The following NTRK2 variants were observed in gnomAD, a reference collection of about 807,000 sequenced individuals.
NTRK2 encodes the protein neurotrophic receptor tyrosine kinase 2, also known as BDNF/NT-3 growth factors receptor.
In NTRK2, 13 loss-of-function variants were observed where a neutral mutation model predicts 94.5. That is an observed-to-expected ratio of 0.14 (90% CI 0.09 to 0.22). NTRK2 has a LOEUF of 0.22. Among genes scored for constraint, NTRK2 ranks in the 10% least tolerant of loss-of-function variants. NTRK2 has a pLI of 1.00. For synonymous variants in NTRK2, 372 were observed against 407.4 expected (o/e 0.91, Z 1.05); for missense variants, 639 against 1,071.2 (o/e 0.60, Z 5.63).
intron 2 of NTRK2, among the ~76,000 whole-genome samples, chr9:84,672,420 G>C (rs2058758425): frequency 6.6e-6 from 1 of 152,206 alleles, no homozygotes; most frequent in African/African-American, 2.4e-5. Flanking sequence ...GGTGGTCTTG[G>C]ACTGGGCTGG....
At chr9:84,755,694 C>T (rs1440807377) in intron 12 of NTRK2, among the ~76,000 whole-genome samples, 2 of 151,936 alleles carry the variant, frequency 1.3e-5, no homozygotes, top group Non-Finnish European at 2.9e-5. Context: ...TTTTATTTTG[C>T]ATGTGAACAT....
intron 12 of NTRK2, among the ~76,000 whole-genome samples, chr9:84,796,986 T>C (rs1451299985): frequency 6.6e-6 from 1 of 152,220 alleles, no homozygotes; most frequent in African/African-American, 2.4e-5. Context: ...TGCATTTCTT[T>C]AAATATATTT....
chr9:85,004,293 T>C (rs1830722310), intron 17 of NTRK2, among the ~76,000 whole-genome samples: 2 of 152,138 alleles, frequency 1.3e-5, no homozygotes, highest in Admixed American at 1.3e-4. Context: ...CTTTTCTCTA[T>C]AGTTTCCAGT....
chr9:84,799,702 G>C (rs2070151440), intron 12 of NTRK2, among the ~76,000 whole-genome samples: 1 of 152,022 alleles, frequency 6.6e-6, no homozygotes. Flanking sequence ...CTATGAGAAT[G>C]ATCTCTGGCA....
At chr9:84,840,188 A>G (rs2074094806) in intron 12 of NTRK2, among the ~76,000 whole-genome samples, 1 of 150,750 alleles carries the variant, frequency 6.6e-6, no homozygotes. Flanking sequence ...TCATGTGAAC[A>G]TTCCCTTGAA....
chr9:84,810,675 C>A, intron 12 of NTRK2: 1 of 1,603,658 alleles, frequency 6.2e-7, no homozygotes, highest in African/African-American at 1.3e-5. Flanking sequence ...TGGCTTATCC[C>A]GGGAAGTGCT....
chr9:84,932,606 C>A (rs1406579475), intron 14 of NTRK2, among the ~76,000 whole-genome samples: 1 of 152,178 alleles, frequency 6.6e-6, no homozygotes, highest in Non-Finnish European at 1.5e-5. Context: ...TCAAGTTACA[C>A]CGCAGTACTA....
intron 9 of NTRK2, among the ~76,000 whole-genome samples, chr9:84,741,197 T>C (rs77928525): frequency 0.011 from 1,695 of 152,306 alleles, 39 homozygotes; most frequent in African/African-American, 0.038. Context: ...GCAGAATATT[T>C]TGATCATCTT....
chr9:84,876,156 A>G, intron 14 of NTRK2: 2 of 1,040,626 alleles, frequency 1.9e-6, no homozygotes, highest in Non-Finnish European at 2.3e-6. Flanking sequence ...GCTCCTCATT[A>G]GATAATAATG....
intron 12 of NTRK2, among the ~76,000 whole-genome samples, chr9:84,840,154 C>T (rs1040270735): frequency 2.0e-5 from 3 of 152,068 alleles, no homozygotes; most frequent in Non-Finnish European, 4.4e-5. Context: ...GAAATGTGTC[C>T]TCTGCCTGGC....
At chr9:84,893,115 C>G (rs986688773) in intron 14 of NTRK2, among the ~76,000 whole-genome samples, 4 of 152,080 alleles carry the variant, frequency 2.6e-5, no homozygotes, top group African/African-American at 9.7e-5. Flanking sequence ...GTAACCATAA[C>G]CCCTGTCAAG....
At chr9:84,817,750 G>A (rs1056129701) in intron 12 of NTRK2, among the ~76,000 whole-genome samples, 3 of 152,168 alleles carry the variant, frequency 2.0e-5, no homozygotes, top group Admixed American at 6.5e-5. Context: ...ACTTAGAAAC[G>A]AGTATTCACA....
At chr9:84,948,686 C>A (rs764286857) in intron 16 of NTRK2, 52 bp downstream of exon 16, 1 of 1,573,086 alleles carries the variant, frequency 6.4e-7, no homozygotes, top group South Asian at 1.1e-5. Context: ...CTTCAGGGTT[C>A]AGGAGTGGAG....
chr9:84,812,560 G>A (rs201093745), intron 12 of NTRK2: 720 of 1,046,214 alleles, frequency 6.9e-4, no homozygotes, highest in Non-Finnish European at 7.7e-4. Flanking sequence ...TTACAAAGAG[G>A]CCAGCTAATA....
intron 17 of NTRK2, among the ~76,000 whole-genome samples, chr9:85,012,816 C>T (rs7853433): frequency 0.73 from 110,776 of 152,056 alleles, 40,957 homozygotes; most frequent in African/African-American, 0.81. Context: ...CTCTGTGACC[C>T]GTCCCTTCAA....
intron 14 of NTRK2, among the ~76,000 whole-genome samples, chr9:84,909,328 A>C (rs914408830): frequency 1.3e-5 from 2 of 152,154 alleles, no homozygotes; most frequent in African/African-American, 4.8e-5. Flanking sequence ...CGCCTATTGA[A>C]GGACATCTGG....
At chr9:84,838,593 T>G (rs1328218245) in intron 12 of NTRK2, among the ~76,000 whole-genome samples, 2 of 152,146 alleles carry the variant, frequency 1.3e-5, no homozygotes, top group Non-Finnish European at 2.9e-5. Context: ...TTTCCAAATT[T>G]TCTACAAAAA....
chr9:84,697,562 C>A (rs2060462109), intron 2 of NTRK2, among the ~76,000 whole-genome samples: 1 of 152,232 alleles, frequency 6.6e-6, no homozygotes, highest in African/African-American at 2.4e-5. Flanking sequence ...GGGAAAGAGC[C>A]TGCTGCCCGC....
chr9:84,992,529 T>A (rs1829216965), intron 17 of NTRK2, among the ~76,000 whole-genome samples: 1 of 152,140 alleles, frequency 6.6e-6, no homozygotes, highest in South Asian at 2.1e-4. Context: ...ATCCTGTGGA[T>A]TTGAAGGTTT....
Sources: allele counts gnomAD v4.1 joint callset (sites outside exome capture counted in the v4.1 genomes callset), GRCh38; gene constraint gnomAD v4.1.1; transcripts MANE v1.5; gene names NCBI Gene and HGNC (gene_info 2026-07-23, HGNC 2026-07-21).